DLGAP2: variants seen among roughly 807,000 people sequenced by gnomAD.
DLGAP2 encodes the protein disks large-associated protein 2.
DLGAP2 carries 26 observed loss-of-function variants against 100.3 expected under a neutral mutation model. The ratio of observed to expected loss-of-function variants is 0.26; its 90% confidence interval spans 0.19 to 0.36. The LOEUF (loss-of-function observed/expected upper bound fraction) is 0.36, where lower values mean the gene tolerates loss of function less well. DLGAP2 is among the 10% of genes least tolerant of loss of function. The pLI, the probability that DLGAP2 is intolerant of heterozygous loss-of-function variation, is 1.00. For missense variants in DLGAP2, 1,858 were observed against 1,453.2 expected, an observed-to-expected ratio of 1.28 and a Z score of -4.53; for synonymous variants, 886 against 630.1, an observed-to-expected ratio of 1.41 and a Z score of -6.08.
At position 1,549,044 on chromosome 8, in the gene DLGAP2, G is replaced by C. The variant is rs771868677; in HGVS notation, c.591G>C (p.Glu197Asp). Residue 197 changes from glutamate to aspartate, a missense_variant, in exon 5 of 15, where the codon GAG becomes GAC. Transcript: ENST00000637795. ...RIPANLLDQF[E>D]KQLPLHRDGF... ...CGGCCAACCTGCTGGACCAGTTCGA[G>C]AAGCAGCTGCCGCTGCACCGGGACG... is the stretch of plus-strand genomic sequence containing the variant. The C allele has an allele frequency of 6.3e-7, 1 of 1,593,084 alleles. No individual in the cohort carries two copies. The highest frequency in any genetic ancestry group is 1.3e-5 in the African/African-American group (1 of 74,760).
intron 3 of DLGAP2, among the ~76,000 whole-genome samples, chr8:1,327,763 G>C (rs1801055307): frequency 6.6e-6 from 1 of 152,144 alleles, no homozygotes; most frequent in South Asian, 2.1e-4. Context: ...AGAATGGCTT[G>C]AACCCAGGAG....
At chr8:1,330,804 A>T (rs1453916962) in intron 3 of DLGAP2, among the ~76,000 whole-genome samples, 1 of 133,068 alleles carries the variant, frequency 7.5e-6, no homozygotes, top group Non-Finnish European at 1.6e-5. Flanking sequence ...CTTCACGGGG[A>T]CCGAGTTCTG....
intron 3 of DLGAP2, among the ~76,000 whole-genome samples, chr8:1,290,979 T>C (rs1216873155): frequency 6.6e-6 from 1 of 152,156 alleles, no homozygotes; most frequent in Non-Finnish European, 1.5e-5. Flanking sequence ...CACAGAACTT[T>C]TTCTAGTAGA....
intron 4 of DLGAP2, among the ~76,000 whole-genome samples, chr8:1,532,250 C>T (rs2130458298): frequency 6.6e-6 from 1 of 152,274 alleles, no homozygotes; most frequent in Non-Finnish European, 1.5e-5. Context: ...TGGGGGAGGT[C>T]CTGGAACGCA....
chr8:1,545,812 C>A (rs919813701), intron 4 of DLGAP2, among the ~76,000 whole-genome samples: 1 of 152,160 alleles, frequency 6.6e-6, no homozygotes, highest in African/African-American at 2.4e-5. Context: ...TAAATTTTAT[C>A]TTTTATGCCA....
chr8:1,070,159 T>C (rs1406826890), intron 2 of DLGAP2, among the ~76,000 whole-genome samples: 1 of 152,246 alleles, frequency 6.6e-6, no homozygotes, highest in Non-Finnish European at 1.5e-5. Context: ...CTTTGCTCTC[T>C]GCTCTTTGAC....
chr8:1,114,990 T>G (rs964889573), intron 2 of DLGAP2, among the ~76,000 whole-genome samples: 12 of 152,276 alleles, frequency 7.9e-5, no homozygotes, highest in Non-Finnish European at 1.6e-4. Flanking sequence ...AATTTCCATG[T>G]AATTTCATGG....
rs76120003 is a variant in DLGAP2 at position 1,182,354 on chromosome 8, G to C, written c.74-76497G>C. 9.2e-3 allele frequency among the ~76,000 whole-genome samples: 1,403 copies of C among 152,362 alleles called. 42 individuals are homozygous for C. The highest frequency in any genetic ancestry group is 0.088 in the East Asian group (454 of 5,176). Reference sequence around the variant, plus strand: ...CACACAACATCCGTGTGGGATGCCAGGTGGCTGGACTGAGAGTTGGCCCTT... The same window carrying C: ...CACACAACATCCGTGTGGGATGCCACGTGGCTGGACTGAGAGTTGGCCCTT... On this transcript the variant is annotated intron_variant, in intron 2 of 14. Coordinates refer to ENST00000637795, the MANE Select transcript of DLGAP2 (RefSeq NM_001346810.2).
chr8:956,787 T>C (rs1406467857), intron 2 of DLGAP2, among the ~76,000 whole-genome samples: 1 of 152,250 alleles, frequency 6.6e-6, no homozygotes. Context: ...ATTTTATGCT[T>C]TTCCAGGTAC....
chr8:1,198,031 A>G (rs2116749039), intron 2 of DLGAP2, among the ~76,000 whole-genome samples: 1 of 152,208 alleles, frequency 6.6e-6, no homozygotes, highest in South Asian at 2.1e-4. Context: ...CCCACTGGAA[A>G]TGAGCCATGG....
intron 1 of DLGAP2, among the ~76,000 whole-genome samples, chr8:784,675 G>T (rs1225288426): frequency 1.3e-5 from 2 of 152,190 alleles, no homozygotes; most frequent in Non-Finnish European, 2.9e-5. Context: ...AATTTAAGAT[G>T]TGGACCTGAA....
intron 2 of DLGAP2, among the ~76,000 whole-genome samples, chr8:1,142,364 T>C (rs1796536757): frequency 6.6e-6 from 1 of 152,068 alleles, no homozygotes; most frequent in South Asian, 2.1e-4. Context: ...TTAGAGAAAA[T>C]GAGTTGATAG....
chr8:1,649,622 T>C (rs1015953371), intron 8 of DLGAP2, among the ~76,000 whole-genome samples: 4 of 152,142 alleles, frequency 2.6e-5, no homozygotes, highest in African/African-American at 9.7e-5. Flanking sequence ...ACATAGAAGG[T>C]GGCAACAAAA....
chr8:1,337,590 C>G (rs17748020), intron 3 of DLGAP2, among the ~76,000 whole-genome samples: 2 of 103,210 alleles, frequency 1.9e-5, no homozygotes, highest in South Asian at 4.0e-4. Flanking sequence ...AGATGGCATG[C>G]TTGGGTTCCT....
At chr8:1,208,373 A>C (rs1217831195) in intron 2 of DLGAP2, among the ~76,000 whole-genome samples, 1 of 152,156 alleles carries the variant, frequency 6.6e-6, no homozygotes, top group Non-Finnish European at 1.5e-5. Context: ...GTTGGCTGTA[A>C]AATCACATGA....
intron 3 of DLGAP2, among the ~76,000 whole-genome samples, chr8:1,412,137 C>G (rs1258424837): frequency 6.6e-6 from 1 of 152,216 alleles, no homozygotes; most frequent in South Asian, 2.1e-4. Flanking sequence ...TCTCCCTCCT[C>G]CTCACCTGTG....
At chr8:1,600,211 C>G (rs186085574) in intron 6 of DLGAP2, among the ~76,000 whole-genome samples, 2 of 152,294 alleles carry the variant, frequency 1.3e-5, no homozygotes, top group Non-Finnish European at 2.9e-5. Flanking sequence ...CCACCCTCTT[C>G]TAGCTTTTAG....
chr8:784,900 C>T (rs1288215727), intron 1 of DLGAP2, among the ~76,000 whole-genome samples: 2 of 152,096 alleles, frequency 1.3e-5, no homozygotes, highest in Non-Finnish European at 2.9e-5. Context: ...TCTTATTTTA[C>T]AGCCACTAAA....
intron 4 of DLGAP2, among the ~76,000 whole-genome samples, chr8:1,524,463 C>T (rs758105523): frequency 4.6e-5 from 7 of 152,082 alleles, no homozygotes; most frequent in East Asian, 3.9e-4. Flanking sequence ...CCAGACTGGG[C>T]GGCTTAAACA....
Sources: gnomAD v4.1 joint callset for allele counts (sites outside exome capture counted in the v4.1 genomes callset) on GRCh38, gnomAD v4.1.1 for gene constraint, MANE v1.5 for transcripts, NCBI Gene and HGNC (gene_info 2026-07-23, HGNC 2026-07-21) for gene names.